GRIP1: variants seen among roughly 807,000 people sequenced by gnomAD.
GRIP1 encodes glutamate receptor-interacting protein 1.
Under a neutral mutation model 129.9 loss-of-function variants are expected in GRIP1, and 45 were observed. The ratio of observed to expected loss-of-function variants is 0.35; its 90% CI spans 0.27 to 0.44. The LOEUF (loss-of-function observed/expected upper bound fraction) is 0.44. Among genes scored for constraint, GRIP1 ranks in the 20% least tolerant of loss-of-function variants. The probability of loss-of-function intolerance (pLI) is 1.00; values close to 1 mark genes in which losing one functional copy is unlikely to be tolerated. For missense variants in GRIP1, 1,196 were observed against 1,396.8 expected (o/e 0.86, Z 2.29); for synonymous variants, 530 against 520.8 (o/e 1.02, Z -0.24).
chr12:66,507,158 G>T (rs2060552271), intron 7 of GRIP1, among the ~76,000 whole-genome samples: 1 of 152,228 alleles, frequency 6.6e-6, no homozygotes, highest in Non-Finnish European at 1.5e-5. Flanking sequence ...TAAAGTATGG[G>T]CCATGCGTGG....
At chr12:66,689,493 A>G (rs2034901140) in intron 1 of GRIP1, among the ~76,000 whole-genome samples, 1 of 152,178 alleles carries the variant, frequency 6.6e-6, no homozygotes, top group Non-Finnish European at 1.5e-5. Context: ...TACATTTCAA[A>G]AGGCATATGC....
At chr12:66,800,886 G>A (rs569856114) in intron 1 of GRIP1, among the ~76,000 whole-genome samples, 1 of 152,026 alleles carries the variant, frequency 6.6e-6, no homozygotes, top group South Asian at 2.1e-4. Flanking sequence ...TGCAGTCTCG[G>A]ATTTACAAAC....
intron 1 of GRIP1, among the ~76,000 whole-genome samples, chr12:67,032,200 T>C (rs1443262424): frequency 1.3e-5 from 2 of 152,220 alleles, no homozygotes; most frequent in African/African-American, 2.4e-5. Context: ...CAGGAAATCA[T>C]AGTTATTTAT....
At chr12:66,434,605 C>T (rs2058245688) in intron 13 of GRIP1, among the ~76,000 whole-genome samples, 1 of 152,196 alleles carries the variant, frequency 6.6e-6, no homozygotes. Flanking sequence ...TGCTTTACTT[C>T]CTGACTTCAG....
chr12:66,545,144 T>C (rs2061909384), intron 2 of GRIP1, among the ~76,000 whole-genome samples: 1 of 152,180 alleles, frequency 6.6e-6, no homozygotes, highest in African/African-American at 2.4e-5. Flanking sequence ...AATTTGACTT[T>C]TTCCTTAATC....
intron 1 of GRIP1, among the ~76,000 whole-genome samples, chr12:66,861,348 G>A (rs2040108781): frequency 6.6e-6 from 1 of 152,068 alleles, no homozygotes; most frequent in African/African-American, 2.4e-5. Flanking sequence ...GCCATCTGCT[G>A]GACAGCTGCT....
At chr12:66,791,229 T>C (rs989112425) in intron 1 of GRIP1, among the ~76,000 whole-genome samples, 20 of 152,094 alleles carry the variant, frequency 1.3e-4, no homozygotes, top group Admixed American at 3.3e-4. Context: ...TTGTAAAAGA[T>C]ATTTGGAAGG....
intron 7 of GRIP1, among the ~76,000 whole-genome samples, chr12:66,496,757 C>T (rs1216728156): frequency 1.3e-5 from 2 of 152,090 alleles, no homozygotes; most frequent in African/African-American, 2.4e-5. Context: ...CTCTGAGATT[C>T]AGGCATCCTG....
intron 1 of GRIP1, among the ~76,000 whole-genome samples, chr12:66,640,599 C>T (rs544886996): frequency 1.3e-5 from 2 of 152,234 alleles, no homozygotes; most frequent in East Asian, 1.9e-4. Flanking sequence ...AGTCTACCTT[C>T]AAATCAACAG....
chr12:66,592,003 G>C (rs556328360), intron 2 of GRIP1, among the ~76,000 whole-genome samples: 4 of 152,050 alleles, frequency 2.6e-5, no homozygotes, highest in Non-Finnish European at 1.5e-5. Context: ...CCTGAACAGT[G>C]GTATAGCTGT....
chr12:66,600,850 C>T (rs2064245219), intron 1 of GRIP1, among the ~76,000 whole-genome samples: 1 of 152,210 alleles, frequency 6.6e-6, no homozygotes, highest in Admixed American at 6.5e-5. Flanking sequence ...AGCTAGTGAG[C>T]TACTGCTCGC....
At chr12:66,428,882 C>T (rs1190488549) in intron 14 of GRIP1, among the ~76,000 whole-genome samples, 2 of 152,146 alleles carry the variant, frequency 1.3e-5, no homozygotes, top group Non-Finnish European at 2.9e-5. Flanking sequence ...TTCGCTGACT[C>T]GAAAGAGAGG....
At chr12:66,798,770 G>A (rs1044366970) in intron 1 of GRIP1, among the ~76,000 whole-genome samples, 2 of 152,072 alleles carry the variant, frequency 1.3e-5, no homozygotes, top group South Asian at 2.1e-4. Context: ...TTGAGCCACC[G>A]ACAATCACTT....
At chr12:66,417,629 C>T (rs1291890834) in intron 15 of GRIP1, among the ~76,000 whole-genome samples, 1 of 152,088 alleles carries the variant, frequency 6.6e-6, no homozygotes, top group Non-Finnish European at 1.5e-5. Context: ...AAATCAGTAG[C>T]ATTTCTATAT....
chr12:66,518,032 A>C, intron 5 of GRIP1, 56 bp from the exon 6 acceptor site: 1 of 949,824 alleles, frequency 1.1e-6, no homozygotes, highest in South Asian at 1.3e-5. Flanking sequence ...CATTTAAAAA[A>C]AATCACCTAC....
intron 11 of GRIP1, among the ~76,000 whole-genome samples, chr12:66,450,303 CAAAAAAAAAAA>C (rs143013040): frequency 3.4e-4 from 9 of 26,804 alleles, no homozygotes; most frequent in Non-Finnish European, 4.9e-4. Context: ...GACTCCATCT[CAAAAAAAAAAA>C]AAAAAAAAAA....
At chr12:67,022,988 C>G (rs931989005) in intron 1 of GRIP1, among the ~76,000 whole-genome samples, 6 of 152,112 alleles carry the variant, frequency 3.9e-5, no homozygotes, top group African/African-American at 1.2e-4. Flanking sequence ...AAACCTTTTG[C>G]CCACTTTTAA....
chr12:66,400,471 A>T (rs2056946152), intron 16 of GRIP1, among the ~76,000 whole-genome samples: 1 of 152,194 alleles, frequency 6.6e-6, no homozygotes, highest in South Asian at 2.1e-4. Flanking sequence ...GCTACTGCAA[A>T]TTACTTAGCT....
intron 1 of GRIP1, among the ~76,000 whole-genome samples, chr12:67,034,527 T>C (rs2043067294): frequency 6.6e-6 from 1 of 152,130 alleles, no homozygotes; most frequent in Admixed American, 6.6e-5. Context: ...AAAGGTACAA[T>C]ATAAATAGAA....
Sources: allele counts gnomAD v4.1 joint callset (sites outside exome capture counted in the v4.1 genomes callset), GRCh38; gene constraint gnomAD v4.1.1; transcripts MANE v1.5; gene names NCBI Gene and HGNC (gene_info 2026-07-23, HGNC 2026-07-21).